Variants in EPHA8 observed in about 807,000 individuals in gnomAD.
EPHA8 encodes the protein ephrin type-A receptor 8.
A neutral mutation model predicts 103.6 loss-of-function variants in EPHA8; 58 were observed. The ratio of observed to expected loss-of-function variants is 0.56; its 90% CI spans 0.45 to 0.70. The LOEUF is 0.70. Among genes scored for constraint, EPHA8 ranks in the 30% least tolerant of loss-of-function variants. The pLI is 0.00. For missense variants in EPHA8, 1,304 were observed against 1,395.2 expected (o/e 0.93, Z 1.04); for synonymous variants, 559 against 572.5 (o/e 0.98, Z 0.34).
At chr1:22,582,689 C>T (rs972934001) in intron 3 of EPHA8, among the ~76,000 whole-genome samples, 1 of 152,172 alleles carries the variant, frequency 6.6e-6, no homozygotes, top group African/African-American at 2.4e-5. Context: ...AAGCTCCCCA[C>T]ACTCCACAAC....
Position 22,576,881 on chromosome 1 carries a change from G to A in EPHA8, c.823+1G>A. ...GAGGAGCGGCGGGATGCCTGTGTGG[G>A]TGAGCGCGCCATGGCCTGGGCATGG... On this transcript the variant is annotated splice_donor_variant, in intron 3 of 16. Transcript: ENST00000166244. LOFTEE classifies it high-confidence loss of function. The surrounding 1 kb of genome is among the most constrained non-coding windows in gnomAD (Gnocchi z 4.8). 6.3e-7 allele frequency: 1 copy of A among 1,579,372 alleles called. No individual in the cohort carries two copies. The highest frequency in any genetic ancestry group is 8.6e-7 in the Non-Finnish European group (1 of 1,160,298).
intron 7 of EPHA8, 132 bp from the exon 8 acceptor site, chr1:22,595,097 TG>T: frequency 4.9e-6 from 3 of 609,016 alleles, no homozygotes; most frequent in Non-Finnish European, 8.2e-6. Flanking sequence ...GCCCTGACTC[TG>T]GGCTGGCTCA....
chr1:22,572,750 G>A (rs1279241710), intron 2 of EPHA8, among the ~76,000 whole-genome samples: 1 of 152,228 alleles, frequency 6.6e-6, no homozygotes, highest in Non-Finnish European at 1.5e-5. Flanking sequence ...TGATATGGGA[G>A]GAGGACAGAG....
intron 3 of EPHA8, among the ~76,000 whole-genome samples, chr1:22,579,985 A>T (rs749531519): frequency 2.0e-4 from 30 of 152,082 alleles, no homozygotes; most frequent in Non-Finnish European, 3.2e-4. Flanking sequence ...TGACAGCCTC[A>T]GGTGATAACA....
In EPHA8 at chr1:22,598,514, C is replaced by T. The variant is rs565230350; in HGVS notation, c.2178+302C>T. On this transcript the variant is annotated intron_variant, in intron 12 of 16. Coordinates refer to ENST00000166244, the MANE Select transcript of EPHA8 (RefSeq NM_020526.5). The surrounding 1 kb of genome is among the most constrained non-coding windows in gnomAD (Gnocchi z 5.1). Reference sequence around the variant, plus strand: ...GGGGGCATGCTGGCTGTGGTGGAGACGGCTGGATTCCCAGCTCCTGCCCAC... The same window carrying T: ...GGGGGCATGCTGGCTGTGGTGGAGATGGCTGGATTCCCAGCTCCTGCCCAC... Among the ~76,000 whole-genome samples the T allele has an allele frequency of 8.5e-5, 13 of 152,258 alleles. No homozygotes were observed. The East Asian group carries it at 2.1e-3, about 25-fold the overall frequency.
Position 22,602,082 on chromosome 1 carries a change from A to T in EPHA8, c.*341A>T. 2.3e-6 allele frequency: 1 copy of T among 427,296 alleles called. No homozygotes were observed. Among genetic ancestry groups the T allele is most frequent in the Middle Eastern group, 6.5e-4 (1 of 1,544 alleles). 26.5% of individuals were successfully genotyped at this position (427,296 alleles called of 1,614,324 possible). A position where few individuals can be genotyped will look rare whatever the true frequency, so the allele number is the denominator to read the frequency against. ...TGTGTGTGGTGGGGGGTGTTCTCAC[A>T]AGGTCATGGGATCTCATGTGAACAG... On this transcript the variant is annotated 3_prime_UTR_variant, in exon 17 of 17. Coordinates refer to ENST00000166244, the MANE Select transcript of EPHA8 (RefSeq NM_020526.5).
intron 3 of EPHA8, among the ~76,000 whole-genome samples, chr1:22,584,644 GGA>G (rs1447281685): frequency 6.6e-6 from 1 of 152,150 alleles, no homozygotes; most frequent in Admixed American, 6.5e-5. Context: ...AGGATTTAGT[GGA>G]GAGAGAACCA....
At chr1:22,564,998 T>A (rs747357545) in intron 1 of EPHA8, among the ~76,000 whole-genome samples, 1 of 152,054 alleles carries the variant, frequency 6.6e-6, no homozygotes, top group East Asian at 1.9e-4. Flanking sequence ...GGATTCACAC[T>A]TGTGACCCAG....
In EPHA8 at chr1:22,567,541, G is replaced by A. The variant is rs1018884929; in HGVS notation, c.95-1748G>A. Among the ~76,000 whole-genome samples, 1 of 152,128 alleles carries A rather than the reference G, an allele frequency of 6.6e-6. No homozygotes were observed. Among genetic ancestry groups the A allele is most frequent in the Admixed American group, 6.5e-5 (1 of 15,284 alleles). ...GGCCCCTGGGGACCCAGGGAGGAAT[G>A]CAGGGAGGAGCGCGGAGACCCCCTC... On this transcript the variant is annotated intron_variant, in intron 1 of 16. Coordinates refer to ENST00000166244, the MANE Select transcript of EPHA8 (RefSeq NM_020526.5). This position sits in a 1 kb window ranked among gnomAD's most constrained non-coding sequence, Gnocchi z 4.2.
At chr1:22,581,851 C>T (rs562318840) in intron 3 of EPHA8, among the ~76,000 whole-genome samples, 5 of 152,296 alleles carry the variant, frequency 3.3e-5, no homozygotes, top group African/African-American at 1.2e-4. Flanking sequence ...ACGGAAAGCC[C>T]GTTTTAAGTC....
In EPHA8 at chr1:22,593,430, G is replaced by A; in HGVS notation, c.1420G>A (p.Glu474Lys). The A allele has an allele frequency of 6.2e-7, 1 of 1,609,804 alleles. No homozygotes were observed. The highest frequency in any genetic ancestry group is 8.5e-7 in the Non-Finnish European group (1 of 1,178,704). ...EQPNGIILEY[E>K]IKYYEKDKEM... ...GCCGAACGGCATCATCCTGGAGTAT[G>A]AGATCAAGTACTACGAGAAGGTACC... Residue 474 changes from glutamate (E) to lysine (K), a missense_variant, in exon 6 of 17, where the codon GAG becomes AAG. Transcript: ENST00000166244.
intron 13 of EPHA8, among the ~76,000 whole-genome samples, 200 bp from the exon 14 acceptor site, chr1:22,600,461 C>T (rs1391009200): frequency 2.6e-5 from 4 of 152,000 alleles, no homozygotes; most frequent in African/African-American, 7.3e-5. Context: ...TTGTACCAGG[C>T]GTCTCACTCC....
intron 13 of EPHA8, 29 bp downstream of exon 13, chr1:22,599,076 A>G: frequency 6.4e-7 from 1 of 1,567,866 alleles, no homozygotes; most frequent in Non-Finnish European, 8.7e-7. Flanking sequence ...TTCCGGCTAG[A>G]CTGGGGAGTG....
intron 13 of EPHA8, among the ~76,000 whole-genome samples, chr1:22,600,267 G>A (rs1641684536): frequency 6.7e-6 from 1 of 149,972 alleles, no homozygotes; most frequent in African/African-American, 2.5e-5. Context: ...AAGGAAGAAG[G>A]GAAGGAAGGA....
At position 22,597,221 on chromosome 1, in the gene EPHA8, AC is replaced by A. The variant is rs1051653631; in HGVS notation, c.1766-87del. The A allele has an allele frequency of 1.4e-5, 15 of 1,101,360 alleles. No individual in the cohort carries two copies. The highest frequency in any genetic ancestry group is 1.7e-5 in the Non-Finnish European group (13 of 780,214). 68.2% of individuals were successfully genotyped at this position (1,101,360 alleles called of 1,614,324 possible). On this transcript the variant is annotated intron_variant, in intron 9 of 16. Transcript: ENST00000166244. This position sits in a 1 kb window ranked among gnomAD's most constrained non-coding sequence, Gnocchi z 4.6. ...CCAGAGACTCCCAGAGACACCCCTC[AC>A]CCCACCCCAGACCCATCCCAGGCCC...
Position 22,576,107 on chromosome 1 carries a change from C to G in EPHA8, c.160-110C>G. Reference sequence around the variant, plus strand: ...CATCTAGTAGCCACCAGGAGGCCAGCTCCTTTGTCTTTTTTTTTGCCAGCG... The same window carrying G: ...CATCTAGTAGCCACCAGGAGGCCAGGTCCTTTGTCTTTTTTTTTGCCAGCG... On this transcript the variant is annotated intron_variant, in intron 2 of 16. Transcript: ENST00000166244. The surrounding 1 kb of genome is among the most constrained non-coding windows in gnomAD (Gnocchi z 4.8). 7.6e-7 allele frequency: 1 copy of G among 1,319,072 alleles called. No individual in the cohort carries two copies. 81.7% of individuals were successfully genotyped at this position (1,319,072 alleles called of 1,614,324 possible). A position where few individuals can be genotyped will look rare whatever the true frequency, so the allele number is the denominator to read the frequency against.
chr1:22,581,153 A>G (rs1013091731), intron 3 of EPHA8, among the ~76,000 whole-genome samples: 1 of 152,176 alleles, frequency 6.6e-6, no homozygotes, highest in Non-Finnish European at 1.5e-5. Context: ...CCCTCAACTT[A>G]AGTAGCAGAG....
chr1:22,580,707 A>G (rs1641021871), intron 3 of EPHA8, among the ~76,000 whole-genome samples: 1 of 152,228 alleles, frequency 6.6e-6, no homozygotes, highest in Non-Finnish European at 1.5e-5. Flanking sequence ...GGCGCATCAC[A>G]TACCAGCTCA....
Position 22,576,289 on chromosome 1 carries a change from C to T in EPHA8, c.232C>T (p.Pro78Ser). ...GTACCAGGTTTGCAACGTCATGAGCCCCAACCAGAACAACTGGCTGCGCAC... is the reference window on the plus strand; with the variant it reads ...GTACCAGGTTTGCAACGTCATGAGCTCCAACCAGAACAACTGGCTGCGCAC... The part of the protein sequence containing the change: ...HTYQVCNVMS[P>S]NQNNWLRTSW... Residue 78 changes from proline (P) to serine (S), a missense_variant, in exon 3 of 17, where the codon CCC becomes TCC. Pro to Ser is a moderately conservative substitution (Grantham distance 74). Transcript: ENST00000166244. The surrounding 1 kb of genome is among the most constrained non-coding windows in gnomAD (Gnocchi z 4.8). 3 of 1,613,880 alleles carry T rather than the reference C, an allele frequency of 1.9e-6. No individual in the cohort carries two copies. The highest frequency in any genetic ancestry group is 2.5e-6 in the Non-Finnish European group (3 of 1,180,020).
Sources: allele counts gnomAD v4.1 joint callset (sites outside exome capture counted in the v4.1 genomes callset), GRCh38; gene constraint gnomAD v4.1.1; non-coding constraint Gnocchi (gnomAD v3.1); transcripts MANE v1.5; gene names NCBI Gene and HGNC (gene_info 2026-07-23, HGNC 2026-07-21).